GRHL2: variants seen among roughly 807,000 people sequenced by gnomAD.
The protein encoded by GRHL2 is grainyhead like transcription factor 2, also known as grainyhead-like protein 2 homolog.
GRHL2 carries 21 observed loss-of-function variants against 83.8 expected under a neutral mutation model. The observed-to-expected ratio is 0.25, with a 90% CI of 0.18 to 0.36. The LOEUF (loss-of-function observed/expected upper bound fraction) is 0.36, where lower values mean the gene tolerates loss of function less well. Among genes scored for constraint, GRHL2 ranks in the 10% least tolerant of loss-of-function variants. The pLI is 1.00. For missense variants in GRHL2, 623 were observed against 781.8 expected (o/e 0.80, Z 2.42); for synonymous variants, 280 against 278.9 (o/e 1.00, Z -0.04).
intron 7 of GRHL2, among the ~76,000 whole-genome samples, chr8:101,592,107 T>C (rs889485583): frequency 7.4e-6 from 1 of 134,554 alleles, no homozygotes; most frequent in African/African-American, 2.8e-5. Context: ...TTTCTTTTTT[T>C]TTTTTTTTTT....
chr8:101,606,658 G>A lies in GRHL2; in HGVS notation c.1098+7507G>A, dbSNP rs75017344. On this transcript the variant is annotated intron_variant, in intron 8 of 15. Transcript: ENST00000646743. ...TGATGTGGCCTGGGTCATGGTGACT[G>A]CAGTGACTGGCTTCATGTTGTGAGA... Among the ~76,000 whole-genome samples, 787 of 152,336 alleles carry A rather than the reference G, an allele frequency of 5.2e-3. 5 individuals are homozygous for A. Among genetic ancestry groups the A allele is most frequent in the African/African-American group, 0.018 (751 of 41,574 alleles).
chr8:101,512,992 G>A (rs1810495022), intron 1 of GRHL2, among the ~76,000 whole-genome samples: 1 of 152,178 alleles, frequency 6.6e-6, no homozygotes, highest in Non-Finnish European at 1.5e-5. Context: ...ATTAGGGATA[G>A]TATTTCAACA....
chr8:101,590,628 G>A (rs1812261299), intron 7 of GRHL2, among the ~76,000 whole-genome samples: 1 of 152,162 alleles, frequency 6.6e-6, no homozygotes, highest in African/African-American at 2.4e-5. Context: ...GGGGCTTGGT[G>A]GGAAGAGGGA....
At chr8:101,559,479 G>A (rs2130180852) in intron 4 of GRHL2, among the ~76,000 whole-genome samples, 1 of 151,948 alleles carries the variant, frequency 6.6e-6, no homozygotes, top group African/African-American at 2.4e-5. Flanking sequence ...GCAGTGAGCC[G>A]AGATCATGCC....
At chr8:101,530,107 G>A (rs549246052) in intron 1 of GRHL2, among the ~76,000 whole-genome samples, 2 of 152,298 alleles carry the variant, frequency 1.3e-5, no homozygotes, top group African/African-American at 4.8e-5. Context: ...TTAGCCATAG[G>A]CACTGAAGAC....
At chr8:101,622,779 C>T (rs183350406) in intron 9 of GRHL2, among the ~76,000 whole-genome samples, 1 of 152,220 alleles carries the variant, frequency 6.6e-6, no homozygotes, top group Non-Finnish European at 1.5e-5. Context: ...TTTTGGTGTG[C>T]CCATCACCCG....
At chr8:101,558,981 A>G (rs1811547500) in intron 4 of GRHL2, among the ~76,000 whole-genome samples, 169 bp downstream of exon 4, 1 of 152,206 alleles carries the variant, frequency 6.6e-6, no homozygotes, top group South Asian at 2.1e-4. Flanking sequence ...CTAAACAGGT[A>G]TTAATAAACC....
chr8:101,604,574 C>T (rs1428922925), intron 8 of GRHL2, among the ~76,000 whole-genome samples: 1 of 152,152 alleles, frequency 6.6e-6, no homozygotes, highest in Non-Finnish European at 1.5e-5. Context: ...TTTGTGCTGA[C>T]TTTCAGGAAC....
intron 14 of GRHL2, among the ~76,000 whole-genome samples, chr8:101,654,608 C>T (rs1813745115): frequency 6.6e-6 from 1 of 152,138 alleles, no homozygotes; most frequent in Non-Finnish European, 1.5e-5. Flanking sequence ...TAATTTTTGG[C>T]AATTGGTGGT....
chr8:101,517,568 C>T (rs902424573), intron 1 of GRHL2, among the ~76,000 whole-genome samples: 1 of 152,214 alleles, frequency 6.6e-6, no homozygotes, highest in Non-Finnish European at 1.5e-5. Context: ...CTGCAAGACA[C>T]TTTCCTTGGG....
intron 1 of GRHL2, among the ~76,000 whole-genome samples, chr8:101,513,510 T>TTTTTTTTTTTTG (rs55792824): frequency 6.8e-6 from 1 of 147,288 alleles, no homozygotes; most frequent in Non-Finnish European, 1.5e-5. Flanking sequence ...CTTTTTTTTT[T>TTTTTTTTTTTTG]GGAGATGGAG....
intron 9 of GRHL2, 70 bp from the exon 10 acceptor site, chr8:101,631,567 T>C (rs977126123): frequency 6.0e-6 from 7 of 1,160,924 alleles, no homozygotes; most frequent in South Asian, 2.6e-5. Flanking sequence ...TCATGACTTA[T>C]GTGTGACATG....
At chr8:101,653,316 A>G (rs149449815) in intron 14 of GRHL2, among the ~76,000 whole-genome samples, 6 of 152,334 alleles carry the variant, frequency 3.9e-5, no homozygotes, top group East Asian at 1.9e-4. Context: ...GAAAAGGGAA[A>G]AACCTTAACT....
chr8:101,516,021 T>C (rs930401319), intron 1 of GRHL2, among the ~76,000 whole-genome samples: 5 of 152,136 alleles, frequency 3.3e-5, no homozygotes, highest in African/African-American at 1.2e-4. Context: ...GCAGCAGAGA[T>C]GGAACTTGAA....
intron 4 of GRHL2, among the ~76,000 whole-genome samples, chr8:101,561,457 G>A (rs1309810126): frequency 2.0e-5 from 3 of 152,138 alleles, no homozygotes; most frequent in Non-Finnish European, 4.4e-5. Context: ...TATCAGAAGG[G>A]TTAAACCAGG....
intron 8 of GRHL2, among the ~76,000 whole-genome samples, chr8:101,616,705 C>T (rs1221814369): frequency 1.3e-5 from 2 of 152,120 alleles, no homozygotes; most frequent in Non-Finnish European, 1.5e-5. Context: ...CACAGAGGAC[C>T]ACCCTGTGTT....
intron 7 of GRHL2, 119 bp downstream of exon 7, chr8:101,577,638 G>A: frequency 1.4e-6 from 1 of 733,432 alleles, no homozygotes; most frequent in African/African-American, 1.7e-5. Context: ...GATGTGCCCG[G>A]CACTAGTCTA....
chr8:101,637,144 C>T (rs149416825), intron 12 of GRHL2, among the ~76,000 whole-genome samples: 252 of 152,200 alleles, frequency 1.7e-3, no homozygotes, highest in African/African-American at 5.7e-3. Flanking sequence ...TTTCCCCACC[C>T]GCTTCCTCCC....
chr8:101,599,024 C>A, intron 7 of GRHL2, 33 bp from the exon 8 acceptor site: 1 of 1,471,438 alleles, frequency 6.8e-7, no homozygotes, highest in Non-Finnish European at 9.5e-7. Context: ...ACTCTTACTC[C>A]TTTAAAAGCT....
Sources: allele counts gnomAD v4.1 joint callset (sites outside exome capture counted in the v4.1 genomes callset), GRCh38; gene constraint gnomAD v4.1.1; transcripts MANE v1.5; gene names NCBI Gene and HGNC (gene_info 2026-07-23, HGNC 2026-07-21).